Variants in ZBTB22 observed in about 807,000 individuals in gnomAD.
ZBTB22 encodes zinc finger and BTB domain containing 22.
For missense variants in ZBTB22, 668 were observed against 834.1 expected, an observed-to-expected ratio of 0.80 and a Z score of 2.45; for synonymous variants, 356 against 347.3, an observed-to-expected ratio of 1.03 and a Z score of -0.28.
Position 33,316,821 on chromosome 6 carries a change from T to C in ZBTB22, c.96A>G (p.Val32=), listed in dbSNP as rs1055311217. The change falls in exon 2 of 2, where the codon GTA becomes GTG. Residue 32 remains valine, a synonymous_variant. Coordinates refer to ENST00000431845, the MANE Select transcript of ZBTB22 (RefSeq NM_005453.5). The surrounding 1 kb of genome is among the most constrained non-coding windows in gnomAD (Gnocchi z 7.2). The part of the protein sequence containing the change: ...PPLPLPAAAV[V]HVSFPEVTSA... ...TGGTCACCTCAGGGAAGGACACATG[T>C]ACCACTGCAGCTGCTGGCAGGGGTA... 4.3e-6 allele frequency: 7 copies of C among 1,613,892 alleles called. No individual in the cohort carries two copies. The Admixed American group carries it at 1.0e-4, about 23-fold the overall frequency.
chr6:33,315,509 C>T lies in ZBTB22; in HGVS notation c.1408G>A (p.Val470Ile), dbSNP rs781066606. The change falls in exon 2 of 2, where the codon GTT becomes ATT. Residue 470 changes from valine (V) to isoleucine (I), a missense_variant. By Grantham distance (29) the Val-to-Ile change is conservative. Transcript: ENST00000431845. The surrounding 1 kb of genome is among the most constrained non-coding windows in gnomAD (Gnocchi z 5.4). Reference sequence around the variant, plus strand: ...CCAGTCCCTCCAGGGACCCCACCAACGCTACCCGGCACACCCAGGCTCCCC... The same window carrying T: ...CCAGTCCCTCCAGGGACCCCACCAATGCTACCCGGCACACCCAGGCTCCCC... ...SVGSLGVPGS[V>I]GGVPGGTGSG... 3.1e-6 allele frequency: 5 copies of T among 1,614,046 alleles called. No homozygotes were observed. The highest frequency in any genetic ancestry group is 4.2e-6 in the Non-Finnish European group (5 of 1,180,004).
rs1769906028 is a variant in ZBTB22, at chr6:33,316,783, T to TC, written c.133dup (p.Glu45GlyfsTer40). 1 of 1,614,000 alleles carries TC rather than the reference T, an allele frequency of 6.2e-7. No homozygotes were observed. On this transcript the variant is annotated frameshift_variant, in exon 2 of 2. Coordinates refer to ENST00000431845, the MANE Select transcript of ZBTB22 (RefSeq NM_005453.5). LOFTEE classifies it low-confidence loss of function (END_TRUNC). This position sits in a 1 kb window ranked among gnomAD's most constrained non-coding sequence, Gnocchi z 7.2. The stretch of plus-strand genomic sequence containing the variant: ...CTGCAGACGCTGCTGATTGAGGGAC[T>TC]CCAAGAGGGCACTGGTCACCTCAGG...
At position 33,316,076 on chromosome 6, in the gene ZBTB22, G is replaced by T; in HGVS notation, c.841C>A (p.Leu281Ile). 6.2e-7 allele frequency: 1 copy of T among 1,613,416 alleles called. No individual in the cohort carries two copies. The highest frequency in any genetic ancestry group is 8.5e-7 in the Non-Finnish European group (1 of 1,179,884). The change falls in exon 2 of 2, where the codon CTC (leucine) becomes ATC (isoleucine). Residue 281 changes from leucine to isoleucine, a missense_variant. Leu to Ile is a conservative substitution (Grantham distance 5). Coordinates refer to ENST00000431845, the MANE Select transcript of ZBTB22 (RefSeq NM_005453.5). This position sits in a 1 kb window ranked among gnomAD's most constrained non-coding sequence, Gnocchi z 7.2. ...GRGAVVPGAG[L>I]RRPTYTPPSI... The stretch of plus-strand genomic sequence containing the variant: ...GGGGGTGTGTAGGTGGGTCTCCGGA[G>T]CCCAGCCCCAGGAACCACTGCCCCC...
chr6:33,317,360 G>A (rs1769956167), intron 1 of ZBTB22, among the ~76,000 whole-genome samples: 1 of 151,936 alleles, frequency 6.6e-6, no homozygotes, highest in African/African-American at 2.4e-5. Flanking sequence ...CCCACTTTTT[G>A]GGAGGGGGCA....
In ZBTB22 at chr6:33,315,599, C is replaced by G; in HGVS notation, c.1318G>C (p.Ala440Pro). The G allele has an allele frequency of 6.2e-7, 1 of 1,613,946 alleles. No homozygotes were observed. The highest frequency in any genetic ancestry group is 1.1e-5 in the South Asian group (1 of 91,070). Reference sequence around the variant, plus strand: ...TGGTTCCCTGGTGGTTGGCCAGGAGCCTGTGAGGATGAGGATGAAGACGAC... The same window carrying G: ...TGGTTCCCTGGTGGTTGGCCAGGAGGCTGTGAGGATGAGGATGAAGACGAC... ...PSSSSSSSSQ[A>P]PGQPPGNQAE... The change falls in exon 2 of 2, where the codon GCT (alanine) becomes CCT (proline). Residue 440 changes from alanine to proline, a missense_variant. Ala to Pro is a conservative substitution (Grantham distance 27). Coordinates refer to ENST00000431845, the MANE Select transcript of ZBTB22 (RefSeq NM_005453.5). This position sits in a 1 kb window ranked among gnomAD's most constrained non-coding sequence, Gnocchi z 5.4.
In ZBTB22 at chr6:33,314,927, GAGATCACCCGGGGGCCACAGC is replaced by G; in HGVS notation, c.*64_*84del. The G allele has an allele frequency of 6.6e-7, 1 of 1,504,320 alleles. No homozygotes were observed. Among genetic ancestry groups the G allele is most frequent in the Non-Finnish European group, 8.9e-7 (1 of 1,126,132 alleles). 93.2% of individuals were successfully genotyped at this position (1,504,320 alleles called of 1,614,324 possible). On this transcript the variant is annotated 3_prime_UTR_variant, in exon 2 of 2. Coordinates refer to ENST00000431845, the MANE Select transcript of ZBTB22 (RefSeq NM_005453.5). ...TAAAGGAAGACAGTAAGTGTGGTGG[GAGATCACCCGGGGGCCACAGC>G]GCCCTTGCATCGTGCTCCTTATTCC...
Position 33,316,060 on chromosome 6 carries a change from T to G in ZBTB22, c.857A>C (p.Tyr286Ser). The change falls in exon 2 of 2, where the codon TAC becomes TCC. Residue 286 changes from tyrosine (Y) to serine (S), a missense_variant. Coordinates refer to ENST00000431845, the MANE Select transcript of ZBTB22 (RefSeq NM_005453.5). This position sits in a 1 kb window ranked among gnomAD's most constrained non-coding sequence, Gnocchi z 7.2. ...CTGTGGCATGATGCTAGGGGGTGTGTAGGTGGGTCTCCGGAGCCCAGCCCC... is the reference window on the plus strand; with the variant it reads ...CTGTGGCATGATGCTAGGGGGTGTGGAGGTGGGTCTCCGGAGCCCAGCCCC... ...VPGAGLRRPT[Y>S]TPPSIMPQKH... 1 of 1,613,690 alleles carries G rather than the reference T, an allele frequency of 6.2e-7. No homozygotes were observed. The highest frequency in any genetic ancestry group is 8.5e-7 in the Non-Finnish European group (1 of 1,179,896).
chr6:33,316,044 G>A lies in ZBTB22; in HGVS notation c.873C>T (p.Ile291=), dbSNP rs374385525. Residue 291 remains isoleucine, a synonymous_variant, in exon 2 of 2, where the codon ATC becomes ATT. Transcript: ENST00000431845. The surrounding 1 kb of genome is among the most constrained non-coding windows in gnomAD (Gnocchi z 7.2). ...CGTATACCCAGTGTTTCTGTGGCATGATGCTAGGGGGTGTGTAGGTGGGTC... is the reference window on the plus strand; with the variant it reads ...CGTATACCCAGTGTTTCTGTGGCATAATGCTAGGGGGTGTGTAGGTGGGTC... ...LRRPTYTPPS[I]MPQKHWVYVK... 1 of 1,613,926 alleles carries A rather than the reference G, an allele frequency of 6.2e-7. No homozygotes were observed. The highest frequency in any genetic ancestry group is 8.5e-7 in the Non-Finnish European group (1 of 1,179,950).
At chr6:33,317,024 A>G in intron 1 of ZBTB22, 39 bp from the exon 2 acceptor site, 5 of 1,334,694 alleles carry the variant, frequency 3.7e-6, no homozygotes, top group East Asian at 5.0e-5. Flanking sequence ...ATAACATCTC[A>G]TAACGACACA....
chr6:33,315,040 C>G lies in ZBTB22; in HGVS notation c.1877G>C (p.Gly626Ala). Residue 626 changes from glycine to alanine, a missense_variant, in exon 2 of 2, where the codon GGC becomes GCC. Physicochemically the swap from Gly to Ala is moderately conservative, Grantham distance 60 (BLOSUM62 0). Coordinates refer to ENST00000431845, the MANE Select transcript of ZBTB22 (RefSeq NM_005453.5). This position sits in a 1 kb window ranked among gnomAD's most constrained non-coding sequence, Gnocchi z 5.4. ...GTTTGCTCCTCCACCTCCACCGAAG[C>G]CCATCTCCACCTTGTGGACTCTGGG... ...SPPRVHKVEM[G>A]FGGGGGAN 1 of 1,562,956 alleles carries G rather than the reference C, an allele frequency of 6.4e-7. No individual in the cohort carries two copies.
Position 33,315,912 on chromosome 6 carries a change from A to G in ZBTB22, c.1005T>C (p.Asp335=). The change falls in exon 2 of 2, where the codon GAT becomes GAC. Residue 335 remains aspartate (D), a synonymous_variant. Transcript: ENST00000431845. The surrounding 1 kb of genome is among the most constrained non-coding windows in gnomAD (Gnocchi z 5.4). ...EEDLVLTCED[D]EDEELGGSSR... ...AGCTACCCCCTAGTTCTTCATCTTC[A>G]TCATCCTCACAGGTCAACACCAGAT... The G allele has an allele frequency of 1.9e-6, 3 of 1,613,734 alleles. No homozygotes were observed. Among genetic ancestry groups the G allele is most frequent in the Non-Finnish European group, 2.5e-6 (3 of 1,179,906 alleles).
chr6:33,315,406 A>G lies in ZBTB22; in HGVS notation c.1511T>C (p.Val504Ala). 6.2e-7 allele frequency: 1 copy of G among 1,614,106 alleles called. No homozygotes were observed. The highest frequency in any genetic ancestry group is 1.1e-5 in the South Asian group (1 of 91,078). Reference protein sequence around the residue: ...FSHKSMRDRHVNMHLNLRPFD... With the variant: ...FSHKSMRDRHANMHLNLRPFD... ...CGGCCGCAGATTGAGGTGCATGTTC[A>G]CGTGCCGGTCCCGCATGCTCTTGTG... The change falls in exon 2 of 2, where the codon GTG becomes GCG. Residue 504 changes from valine to alanine, a missense_variant. By Grantham distance (64) the Val-to-Ala change is moderately conservative (BLOSUM62 0). Coordinates refer to ENST00000431845, the MANE Select transcript of ZBTB22 (RefSeq NM_005453.5). This position sits in a 1 kb window ranked among gnomAD's most constrained non-coding sequence, Gnocchi z 5.4.
chr6:33,315,716 C>T lies in ZBTB22; in HGVS notation c.1201G>A (p.Gly401Arg). The T allele has an allele frequency of 1.2e-6, 2 of 1,612,404 alleles. No individual in the cohort carries two copies. The highest frequency in any genetic ancestry group is 8.5e-7 in the Non-Finnish European group (1 of 1,179,108). The change falls in exon 2 of 2, where the codon GGG becomes AGG. Residue 401 changes from glycine to arginine, a missense_variant. Gly to Arg is a moderately radical substitution (Grantham distance 125, BLOSUM62 -2). Transcript: ENST00000431845. This position sits in a 1 kb window ranked among gnomAD's most constrained non-coding sequence, Gnocchi z 5.4. ...GGGGCATAGGAAGAGGGAGTTGGCC[C>T]CCCTGAGTCATCAAGACCTGCCACA... ...GPVAGLDDSG[G>R]PTPSSYAPSH... is the part of the protein sequence containing the mutation.
Position 33,315,587 on chromosome 6 carries a change from G to A in ZBTB22, c.1330C>T (p.Pro444Ser), listed in dbSNP as rs145135490. 125 of 1,613,964 alleles carry A rather than the reference G, an allele frequency of 7.7e-5. 1 individual carries two copies. In the African/African-American group the frequency reaches 1.6e-3, roughly 21 times the overall value. Residue 444 changes from proline to serine, a missense_variant, in exon 2 of 2, where the codon CCA becomes TCA. Coordinates refer to ENST00000431845, the MANE Select transcript of ZBTB22 (RefSeq NM_005453.5). The surrounding 1 kb of genome is among the most constrained non-coding windows in gnomAD (Gnocchi z 5.4). Reference sequence around the variant, plus strand: ...CCGTGTTCTGCTTGGTTCCCTGGTGGTTGGCCAGGAGCCTGTGAGGATGAG... The same window carrying A: ...CCGTGTTCTGCTTGGTTCCCTGGTGATTGGCCAGGAGCCTGTGAGGATGAG... Reference protein sequence around the residue: ...SSSSSQAPGQPPGNQAEHGAV... With the variant: ...SSSSSQAPGQSPGNQAEHGAV...
In ZBTB22 at chr6:33,315,808, T is replaced by G. The variant is rs1769824297; in HGVS notation, c.1109A>C (p.Lys370Thr). Residue 370 changes from lysine (K) to threonine (T), a missense_variant, in exon 2 of 2, where the codon AAG (lysine) becomes ACG (threonine). Coordinates refer to ENST00000431845, the MANE Select transcript of ZBTB22 (RefSeq NM_005453.5). The surrounding 1 kb of genome is among the most constrained non-coding windows in gnomAD (Gnocchi z 5.4). ...ACAGAAGTTGACCTGCTCCTCCCCC[T>G]TGTCTGGGGGCTCACTCAGGGTACG... is the stretch of plus-strand genomic sequence containing the variant. ...DVRTLSEPPD[K>T]GEEQVNFCES... 2 of 1,612,534 alleles carry G rather than the reference T, an allele frequency of 1.2e-6. No individual in the cohort carries two copies. Among genetic ancestry groups the G allele is most frequent in the Admixed American group, 1.7e-5 (1 of 59,926 alleles).
rs757567448 is a variant in ZBTB22 at position 33,316,570 on chromosome 6, C to T, written c.347G>A (p.Arg116His). 2 of 1,614,182 alleles carry T rather than the reference C, an allele frequency of 1.2e-6. No individual in the cohort carries two copies. Among genetic ancestry groups the T allele is most frequent in the Non-Finnish European group, 1.7e-6 (2 of 1,180,042 alleles). ...ETVLASAYTG[R>H]LSMAAADIVN... ...AATGTCAGCAGCAGCCATGCTGAGG[C>T]GGCCAGTGTAAGCGGAGGCTAGGAC... is the stretch of plus-strand genomic sequence containing the variant. Residue 116 changes from arginine to histidine, a missense_variant, in exon 2 of 2, where the codon CGC becomes CAC. Coordinates refer to ENST00000431845, the MANE Select transcript of ZBTB22 (RefSeq NM_005453.5). The surrounding 1 kb of genome is among the most constrained non-coding windows in gnomAD (Gnocchi z 7.2).
chr6:33,315,537 C>T lies in ZBTB22; in HGVS notation c.1380G>A (p.Ser460=). The part of the protein sequence containing the change: ...EHGAVTVGGT[S]VGSLGVPGSV... ...TACCCGGCACACCCAGGCTCCCCAC[C>T]GACGTGCCCCCCACGGTCACTGCCC... Residue 460 remains serine, a synonymous_variant, in exon 2 of 2, where the codon TCG becomes TCA. Transcript: ENST00000431845. The surrounding 1 kb of genome is among the most constrained non-coding windows in gnomAD (Gnocchi z 5.4). The T allele has an allele frequency of 6.2e-7, 1 of 1,614,010 alleles. No homozygotes were observed. Among genetic ancestry groups the T allele is most frequent in the South Asian group, 1.1e-5 (1 of 91,078 alleles).
rs1264138424 is a variant in ZBTB22 at position 33,316,863 on chromosome 6, C to T, written c.54G>A (p.Ser18=). The part of the protein sequence containing the change: ...PSGAALPLPL[S]LAPPPLPLPA... Reference sequence around the variant, plus strand: ...GCAGGGGTAGTGGGGGCGGAGCCAGCGACAGCGGCAGGGGAAGTGCTGCCC... The same window carrying T: ...GCAGGGGTAGTGGGGGCGGAGCCAGTGACAGCGGCAGGGGAAGTGCTGCCC... The change falls in exon 2 of 2, where the codon TCG becomes TCA. Residue 18 remains serine, a synonymous_variant. Coordinates refer to ENST00000431845, the MANE Select transcript of ZBTB22 (RefSeq NM_005453.5). This position sits in a 1 kb window ranked among gnomAD's most constrained non-coding sequence, Gnocchi z 7.2. 3 of 1,612,788 alleles carry T rather than the reference C, an allele frequency of 1.9e-6. No homozygotes were observed. Among genetic ancestry groups the T allele is most frequent in the Non-Finnish European group, 1.7e-6 (2 of 1,179,540 alleles).
rs140649871 is a variant in ZBTB22, at chr6:33,316,464, C to T, written c.453G>A (p.Arg151=). ...TAGTGATGGTGGTGGTAGCTGAGGCCCGGCCTTCTCGGAGTAGTTCAGTGC... is the reference window on the plus strand; with the variant it reads ...TAGTGATGGTGGTGGTAGCTGAGGCTCGGCCTTCTCGGAGTAGTTCAGTGC... The part of the protein sequence containing the change: ...DKCTELLREG[R]ASATTTITTA... Residue 151 remains arginine, a synonymous_variant, in exon 2 of 2, where the codon CGG becomes CGA. Coordinates refer to ENST00000431845, the MANE Select transcript of ZBTB22 (RefSeq NM_005453.5). This position sits in a 1 kb window ranked among gnomAD's most constrained non-coding sequence, Gnocchi z 7.2. 1 of 1,614,164 alleles carries T rather than the reference C, an allele frequency of 6.2e-7. No homozygotes were observed. The highest frequency in any genetic ancestry group is 8.5e-7 in the Non-Finnish European group (1 of 1,180,046).
Sources: gnomAD v4.1 joint callset for allele counts (sites outside exome capture counted in the v4.1 genomes callset) on GRCh38, gnomAD v4.1.1 for gene constraint, Gnocchi (gnomAD v3.1) non-coding constraint, MANE v1.5 for transcripts, NCBI Gene and HGNC (gene_info 2026-07-23, HGNC 2026-07-21) for gene names.